Variants in TTYH1 observed in about 807,000 individuals in gnomAD.
TTYH1 encodes the protein tweety family member 1.
Under a neutral mutation model 61.2 loss-of-function variants are expected in TTYH1, and 33 were observed. That is an observed-to-expected ratio of 0.54 (90% confidence interval 0.41 to 0.72). TTYH1 has a LOEUF of 0.72. Among genes scored for constraint, TTYH1 ranks in the 30% least tolerant of loss-of-function variants. TTYH1 has a pLI of 0.00. For synonymous variants in TTYH1, 308 were observed against 266.4 expected, an observed-to-expected ratio of 1.16 and a Z score of -1.52; for missense variants, 538 against 575.8, an observed-to-expected ratio of 0.93 and a Z score of 0.67.
chr19:54,420,912 G>A lies in TTYH1; in HGVS notation c.306-365G>A. ...GGCTGCCTGCCTGGCAAAGGATGCG[G>A]GGGAAGGGTGTGGGGCAGGCAGTCC... On this transcript the variant is annotated intron_variant, in intron 2 of 13. Transcript: ENST00000376530. This position sits in a 1 kb window ranked among gnomAD's most constrained non-coding sequence, Gnocchi z 4.8. 1 of 332,840 alleles carries A rather than the reference G, an allele frequency of 3.0e-6. No individual in the cohort carries two copies. The highest frequency in any genetic ancestry group is 6.1e-6 in the Non-Finnish European group (1 of 163,188). 20.6% of individuals were successfully genotyped at this position (332,840 alleles called of 1,614,324 possible). A position where few individuals can be genotyped will look rare whatever the true frequency, so the allele number is the denominator to read the frequency against.
At chr19:54,426,300 G>A (rs1219371119) in intron 4 of TTYH1, among the ~76,000 whole-genome samples, 3 of 152,190 alleles carry the variant, frequency 2.0e-5, no homozygotes, top group African/African-American at 4.8e-5. Context: ...CCAGGGATGC[G>A]ATGGGATCTT....
rs1433190861 is a variant in TTYH1, at chr19:54,432,431, TGAG to T, written c.1125+1244_1125+1246del. ...TTATCCCACCTAACAGGTTAGAAGATGAGGAGCAGAGTTGAGGGACCTTCCCAA... is the reference window on the plus strand; with the variant it reads ...TTATCCCACCTAACAGGTTAGAAGATGAGCAGAGTTGAGGGACCTTCCCAA... On this transcript the variant is annotated intron_variant, in intron 10 of 13. Transcript: ENST00000376530. 8 of 152,360 alleles carry T rather than the reference TGAG, an allele frequency of 5.3e-5. No homozygotes were observed. In the East Asian group the frequency reaches 1.5e-3, roughly 29 times the overall value. The allele number at this position is 152,360 out of a possible 1,614,324, so 9.4% of individuals were successfully genotyped here.
intron 10 of TTYH1, chr19:54,431,895 T>G (rs2083453331): frequency 6.6e-6 from 1 of 150,634 alleles, no homozygotes. Context: ...TGGATGGCTG[T>G]GAGGATTGAA....
At position 54,419,089 on chromosome 19, in the gene TTYH1, C is replaced by T. The variant is rs200166096; in HGVS notation, c.127-39C>T. 7.6e-5 allele frequency: 120 copies of T among 1,576,546 alleles called. No homozygotes were observed. Among genetic ancestry groups the T allele is most frequent in the African/African-American group, 1.2e-4 (9 of 74,090 alleles). On this transcript the variant is annotated intron_variant, in intron 1 of 13. Transcript: ENST00000376530. This position sits in a 1 kb window ranked among gnomAD's most constrained non-coding sequence, Gnocchi z 6.1. ...AAGGGGGATCTGAGTGTGGAACACA[C>T]GGGTGCCCTCGGAGGTCTGATGTCA... is the stretch of plus-strand genomic sequence containing the variant.
Position 54,429,273 on chromosome 19 carries a change from G to C in TTYH1, c.735-34G>C. On this transcript the variant is annotated intron_variant, in intron 5 of 13. Transcript: ENST00000376530. The surrounding 1 kb of genome is among the most constrained non-coding windows in gnomAD (Gnocchi z 5.1). ...GAAAGAGGCTAGGCTAGGAGATTAA[G>C]AACCCCGGGCTGATCCTCCCTCCCC... 1 of 1,605,610 alleles carries C rather than the reference G, an allele frequency of 6.2e-7. No individual in the cohort carries two copies. Among genetic ancestry groups the C allele is most frequent in the Non-Finnish European group, 8.5e-7 (1 of 1,172,412 alleles).
chr19:54,429,531 G>A lies in TTYH1; in HGVS notation c.807+152G>A. On this transcript the variant is annotated intron_variant, in intron 6 of 13. Transcript: ENST00000376530. The surrounding 1 kb of genome is among the most constrained non-coding windows in gnomAD (Gnocchi z 5.1). The stretch of plus-strand genomic sequence containing the variant: ...TTAGGGCTTGTTTCCTGGGGCCTGA[G>A]TGGGTACAGATTGGTGTCCTGGACG... The A allele has an allele frequency of 1.4e-6, 1 of 732,194 alleles. No homozygotes were observed. The highest frequency in any genetic ancestry group is 2.3e-6 in the Non-Finnish European group (1 of 439,942). The allele number at this position is 732,194 out of a possible 1,614,324, so 45.4% of individuals were successfully genotyped here.
chr19:54,417,003 C>G (rs2083094582), intron 1 of TTYH1: 1 of 1,193,044 alleles, frequency 8.4e-7, no homozygotes, highest in Non-Finnish European at 1.1e-6. Context: ...CGGGCAGAGC[C>G]CCACAGCCGA....
rs1375582831 is a variant in TTYH1 at position 54,436,579 on chromosome 19, G to T, written c.*289G>T. On this transcript the variant is annotated 3_prime_UTR_variant, in exon 14 of 14. Transcript: ENST00000376530. This position sits in a 1 kb window ranked among gnomAD's most constrained non-coding sequence, Gnocchi z 4.3. ...TGGCTGCCGGTCCCATCCTTGGAGGGACTAAGCTGGGGGTGGGGGACATGA... is the reference window on the plus strand; with the variant it reads ...TGGCTGCCGGTCCCATCCTTGGAGGTACTAAGCTGGGGGTGGGGGACATGA... The T allele has an allele frequency of 3.3e-6, 2 of 614,420 alleles. No homozygotes were observed. Among genetic ancestry groups the T allele is most frequent in the East Asian group, 5.5e-5 (2 of 36,198 alleles). 38.1% of individuals were successfully genotyped at this position (614,420 alleles called of 1,614,324 possible).
At chr19:54,431,223 C>G (rs2083436463) in intron 10 of TTYH1, 32 bp downstream of exon 10, 1 of 1,521,480 alleles carries the variant, frequency 6.6e-7, no homozygotes, top group African/African-American at 1.4e-5. Context: ...TTTCTTCTCC[C>G]ACGGGGGGCC....
Position 54,426,687 on chromosome 19 carries a change from T to C in TTYH1, c.653T>C (p.Val218Ala). 1 of 1,613,842 alleles carries C rather than the reference T, an allele frequency of 6.2e-7. No individual in the cohort carries two copies. The highest frequency in any genetic ancestry group is 8.5e-7 in the Non-Finnish European group (1 of 1,179,970). Residue 218 changes from valine (V) to alanine (A), a missense_variant, in exon 5 of 14, where the codon GTC (valine) becomes GCC (alanine). Physicochemically the swap from Val to Ala is moderately conservative, Grantham distance 64. Around this residue, in one of 3 missense-constraint regions of TTYH1, gnomAD observed 378 missense variants for 401.2 expected, o/e 0.94. Transcript: ENST00000376530. ...TCCCCTCCCAGGTGGCTGGCCTACG[T>C]CCTCCTGCTGCTCCTGGAGCTGCTG... Reference protein sequence around the residue: ...FVEEYRWLAYVLLLLLELLVC... With the variant: ...FVEEYRWLAYALLLLLELLVC...
chr19:54,432,968 G>C (rs1425223051), intron 10 of TTYH1: 1 of 152,182 alleles, frequency 6.6e-6, no homozygotes, highest in Non-Finnish European at 1.5e-5. Flanking sequence ...AAGGGAGTGG[G>C]GAGTAAGCAC....
At chr19:54,417,253 T>C (rs1360840408) in intron 1 of TTYH1, among the ~76,000 whole-genome samples, 3 of 145,974 alleles carry the variant, frequency 2.1e-5, no homozygotes, top group Admixed American at 6.8e-5. Flanking sequence ...CACACACATA[T>C]GCACAGGCAC....
In TTYH1 at chr19:54,436,468, G is replaced by C. The variant is rs750537761; in HGVS notation, c.*178G>C. 4.3e-6 allele frequency: 6 copies of C among 1,407,560 alleles called. No individual in the cohort carries two copies. Among genetic ancestry groups the C allele is most frequent in the Non-Finnish European group, 6.0e-6 (6 of 997,712 alleles). The allele number at this position is 1,407,560 out of a possible 1,614,324, so 87.2% of individuals were successfully genotyped here. ...CCACTGTGCTCCCATTTCTGTCCTT[G>C]GCCTTGGGAGTAGCTGAGGGGGCAG... On this transcript the variant is annotated 3_prime_UTR_variant, in exon 14 of 14. Transcript: ENST00000376530. The surrounding 1 kb of genome is among the most constrained non-coding windows in gnomAD (Gnocchi z 4.3).
Position 54,419,166 on chromosome 19 carries a change from G to C in TTYH1, c.165G>C (p.Leu55Phe). ...LLVAALAGLG[L>F]GLSLIFIAVY... ...TGGCGGCCTTGGCGGGCCTGGGCTTGGGCCTGAGCCTCATTTTCATCGCTG... is the reference window on the plus strand; with the variant it reads ...TGGCGGCCTTGGCGGGCCTGGGCTTCGGCCTGAGCCTCATTTTCATCGCTG... The change falls in exon 2 of 14, where the codon TTG becomes TTC. Residue 55 changes from leucine (L) to phenylalanine (F), a missense_variant. Leu to Phe is a conservative substitution (Grantham distance 22). Around this residue, in one of 3 missense-constraint regions of TTYH1, gnomAD observed 157 missense variants for 157.0 expected, o/e 1.00. Coordinates refer to ENST00000376530, the MANE Select transcript of TTYH1 (RefSeq NM_020659.4). The surrounding 1 kb of genome is among the most constrained non-coding windows in gnomAD (Gnocchi z 6.1). The C allele has an allele frequency of 6.2e-7, 1 of 1,613,286 alleles. No individual in the cohort carries two copies. Among genetic ancestry groups the C allele is most frequent in the Non-Finnish European group, 8.5e-7 (1 of 1,179,906 alleles).
Position 54,426,732 on chromosome 19 carries a change from T to G in TTYH1, c.698T>G (p.Leu233Arg). Residue 233 changes from leucine (L) to arginine (R), a missense_variant, in exon 5 of 14, where the codon CTG (leucine) becomes CGG (arginine). Leu to Arg is a moderately radical substitution (Grantham distance 102). This residue lies in a region of TTYH1 where 378 missense variants were observed against 401.2 expected (regional missense o/e 0.94). Transcript: ENST00000376530. Reference sequence around the variant, plus strand: ...CTGCTGGTCTGCCTCTTCACCCTCCTGGGCCTGGCGAAGCAGAGCAAGTGG... The same window carrying G: ...CTGCTGGTCTGCCTCTTCACCCTCCGGGGCCTGGCGAAGCAGAGCAAGTGG... The part of the protein sequence containing the change: ...LELLVCLFTL[L>R]GLAKQSKWLV... 6.2e-7 allele frequency: 1 copy of G among 1,614,036 alleles called. No individual in the cohort carries two copies. Among genetic ancestry groups the G allele is most frequent in the Non-Finnish European group, 8.5e-7 (1 of 1,180,014 alleles).
chr19:54,419,439 G>C lies in TTYH1; in HGVS notation c.305+133G>C, dbSNP rs1200463750. ...AGGAAACTCCCTCGTCCCTGTCCCTGCCATTTGCAAGCCCACTTCAGCGCA... is the reference window on the plus strand; with the variant it reads ...AGGAAACTCCCTCGTCCCTGTCCCTCCCATTTGCAAGCCCACTTCAGCGCA... On this transcript the variant is annotated intron_variant, in intron 2 of 13. Transcript: ENST00000376530. This position sits in a 1 kb window ranked among gnomAD's most constrained non-coding sequence, Gnocchi z 6.1. 2 of 975,818 alleles carry C rather than the reference G, an allele frequency of 2.0e-6. No homozygotes were observed. Among genetic ancestry groups the C allele is most frequent in the African/African-American group, 3.2e-5 (2 of 62,502 alleles). The allele number at this position is 975,818 out of a possible 1,614,324, so 60.4% of individuals were successfully genotyped here. A position where few individuals can be genotyped will look rare whatever the true frequency, so the allele number is the denominator to read the frequency against.
In TTYH1 at chr19:54,419,145, G is replaced by C; in HGVS notation, c.144G>C (p.Ala48=). Reference sequence around the variant, plus strand: ...TTCCCCAGGCCTTGTTGCTGGTGGCGGCCTTGGCGGGCCTGGGCTTGGGCC... The same window carrying C: ...TTCCCCAGGCCTTGTTGCTGGTGGCCGCCTTGGCGGGCCTGGGCTTGGGCC... ...QEYQQALLLV[A]ALAGLGLGLS... is the part of the protein sequence containing the mutation. The change falls in exon 2 of 14, where the codon GCG becomes GCC. Residue 48 remains alanine, a synonymous_variant. Transcript: ENST00000376530. This position sits in a 1 kb window ranked among gnomAD's most constrained non-coding sequence, Gnocchi z 6.1. The C allele has an allele frequency of 6.2e-7, 1 of 1,612,168 alleles. No individual in the cohort carries two copies. Among genetic ancestry groups the C allele is most frequent in the South Asian group, 1.1e-5 (1 of 90,982 alleles).
At chr19:54,423,430 T>C (rs191158435) in intron 4 of TTYH1, among the ~76,000 whole-genome samples, 207 of 152,222 alleles carry the variant, frequency 1.4e-3, no homozygotes, top group African/African-American at 4.7e-3. Context: ...ACTCCTGACC[T>C]TGTGATCTGC....
chr19:54,426,355 T>C (rs773914221), intron 4 of TTYH1: 3 of 357,648 alleles, frequency 8.4e-6, no homozygotes, highest in Non-Finnish European at 5.1e-6. Flanking sequence ...CAGGGTGGGG[T>C]TGGGGATGGG....
Sources: gnomAD v4.1 joint callset for allele counts (sites outside exome capture counted in the v4.1 genomes callset) on GRCh38, gnomAD v4.1.1 for gene constraint, gnomAD v4.1.1 regional missense constraint, Gnocchi (gnomAD v3.1) non-coding constraint, MANE v1.5 for transcripts, NCBI Gene and HGNC (gene_info 2026-07-23, HGNC 2026-07-21) for gene names.